The following EYS variants were observed in gnomAD, a reference collection of about 807,000 sequenced individuals.
EYS encodes the protein protein eyes shut homolog.
A neutral mutation model predicts 282.1 loss-of-function variants in EYS; 250 were observed. The ratio of observed to expected loss-of-function variants is 0.89; its 90% confidence interval spans 0.80 to 0.98. The LOEUF is 0.98. Ranked by LOEUF, EYS falls within the 50% of genes least tolerant of loss-of-function variation. The pLI is 0.00. For synonymous variants in EYS, 1,355 were observed against 1,282.9 expected, an observed-to-expected ratio of 1.06 and a Z score of -1.20; for missense variants, 4,016 against 3,709.0, an observed-to-expected ratio of 1.08 and a Z score of -2.15.
intron 26 of EYS, among the ~76,000 whole-genome samples, chr6:64,470,565 CACATAAAAT>C (rs58453537): frequency 0.3 from 45,339 of 151,636 alleles, 6,784 homozygotes; most frequent in East Asian, 0.46. Flanking sequence ...TCTTGGGCCA[CACATAAAAT>C]ACACTAACTA....
intron 19 of EYS, among the ~76,000 whole-genome samples, chr6:64,834,331 T>G (rs536984563): frequency 1.3e-5 from 2 of 152,020 alleles, no homozygotes; most frequent in South Asian, 4.1e-4. Flanking sequence ...AGTTTAAACA[T>G]ATTAGCTTCA....
intron 22 of EYS, among the ~76,000 whole-genome samples, chr6:64,777,522 G>A (rs1024945618): frequency 6.6e-6 from 1 of 152,032 alleles, no homozygotes; most frequent in Non-Finnish European, 1.5e-5. Flanking sequence ...AGTAATGAAC[G>A]GGTTTGGGGC....
At chr6:63,847,883 A>T (rs1391179819) in intron 36 of EYS, among the ~76,000 whole-genome samples, 1 of 152,240 alleles carries the variant, frequency 6.6e-6, no homozygotes, top group Admixed American at 6.5e-5. Context: ...ATACTTTTCA[A>T]TGTACTTAAA....
intron 12 of EYS, among the ~76,000 whole-genome samples, chr6:65,075,546 C>G (rs1054863567): frequency 1.3e-4 from 19 of 151,842 alleles, no homozygotes; most frequent in Non-Finnish European, 1.8e-4. Context: ...TGAGGAAGTT[C>G]GGGTTAAAGT....
chr6:64,532,491 C>T (rs192461250), intron 26 of EYS, among the ~76,000 whole-genome samples: 1 of 152,004 alleles, frequency 6.6e-6, no homozygotes, highest in Non-Finnish European at 1.5e-5. Flanking sequence ...GAGCGGATCA[C>T]GAGGTCAGGA....
At chr6:65,241,430 T>A (rs1767055940) in intron 12 of EYS, among the ~76,000 whole-genome samples, 1 of 152,114 alleles carries the variant, frequency 6.6e-6, no homozygotes, top group Admixed American at 6.5e-5. Flanking sequence ...CAAACAAGTT[T>A]ATAAACATTT....
chr6:65,514,738 T>C (rs1289175294), intron 2 of EYS, among the ~76,000 whole-genome samples: 4 of 152,236 alleles, frequency 2.6e-5, no homozygotes, highest in Non-Finnish European at 5.9e-5. Flanking sequence ...GCTAGCCATA[T>C]GTACAAAGCT....
intron 12 of EYS, among the ~76,000 whole-genome samples, chr6:65,227,442 A>C (rs1295676510): frequency 6.6e-6 from 1 of 152,190 alleles, no homozygotes; most frequent in Non-Finnish European, 1.5e-5. Flanking sequence ...AATTAGAATT[A>C]TCTGCACTGC....
rs1165184004 is a variant in EYS at position 65,335,197 on chromosome 6, A to G, written c.1600-51T>C. 4 of 1,247,592 alleles carry G rather than the reference A, an allele frequency of 3.2e-6. No individual in the cohort carries two copies. In the South Asian group the frequency reaches 4.8e-5, roughly 15 times the overall value. 77.3% of individuals were successfully genotyped at this position (1,247,592 alleles called of 1,614,324 possible). A position where few individuals can be genotyped will look rare whatever the true frequency, so the allele number is the denominator to read the frequency against. ...GTTATGAATTCCCATCACTTACTAC[A>G]ATATTACAATTGTGACCTGAGAGAT... On this transcript the variant is annotated intron_variant, in intron 10 of 42. Coordinates refer to ENST00000503581, the MANE Select transcript of EYS (RefSeq NM_001142800.2).
At position 63,907,987 on chromosome 6, in the gene EYS, T is replaced by TACACACAC. The variant is rs60426309; in HGVS notation, c.7056-43637_7056-43630dup. Among the ~76,000 whole-genome samples the TACACACAC allele has an allele frequency of 1.3e-3, 143 of 105,932 alleles. 3 individuals carry two copies. Among genetic ancestry groups the TACACACAC allele is most frequent in the African/African-American group, 4.5e-3 (125 of 27,804 alleles). The allele number at this position is 105,932 out of a possible 152,430, so 69.5% of individuals were successfully genotyped here. ...CTGAATAGTATTGACTGTATATATG[T>TACACACAC]ACACACACACACACACACACAAACG... is the stretch of plus-strand genomic sequence containing the variant. On this transcript the variant is annotated intron_variant, in intron 35 of 42. Coordinates refer to ENST00000503581, the MANE Select transcript of EYS (RefSeq NM_001142800.2).
chr6:65,227,688 T>G (rs1396550390), intron 12 of EYS, among the ~76,000 whole-genome samples: 1 of 152,106 alleles, frequency 6.6e-6, no homozygotes, highest in Non-Finnish European at 1.5e-5. Context: ...CATACATTGA[T>G]GAATGAATAA....
Position 65,434,924 on chromosome 6 carries a change from G to A in EYS, c.863-29557C>T, listed in dbSNP as rs191305651. 2.2e-3 allele frequency among the ~76,000 whole-genome samples: 340 copies of A among 151,544 alleles called. 2 individuals are homozygous for A. The highest frequency in any genetic ancestry group is 2.1e-3 in the Non-Finnish European group (144 of 67,874). The stretch of plus-strand genomic sequence containing the variant: ...TATCTAATTATCTCTACTATTCCTA[G>A]TATTCTTAATATTTATTATACATAG... On this transcript the variant is annotated intron_variant, in intron 5 of 42. Coordinates refer to ENST00000503581, the MANE Select transcript of EYS (RefSeq NM_001142800.2).
intron 2 of EYS, among the ~76,000 whole-genome samples, chr6:65,630,407 A>T (rs1766869112): frequency 6.6e-6 from 1 of 152,204 alleles, no homozygotes; most frequent in South Asian, 2.1e-4. Flanking sequence ...CACCTTATGG[A>T]ACATCTTCTC....
chr6:64,639,375 T>A (rs1768056210), intron 22 of EYS, among the ~76,000 whole-genome samples: 1 of 91,636 alleles, frequency 1.1e-5, no homozygotes, highest in Non-Finnish European at 2.4e-5. Context: ...ACATCTCTTT[T>A]TTCATCAATT....
At chr6:64,557,209 CACACACAT>C (rs1229179754) in intron 26 of EYS, among the ~76,000 whole-genome samples, 2 of 54,606 alleles carry the variant, frequency 3.7e-5, no homozygotes, top group Admixed American at 2.8e-4. Context: ...CAGATACACA[CACACACAT>C]ACACACACAC....
At chr6:64,200,187 G>A (rs1765419575) in intron 31 of EYS, among the ~76,000 whole-genome samples, 1 of 152,122 alleles carries the variant, frequency 6.6e-6, no homozygotes, top group African/African-American at 2.4e-5. Flanking sequence ...GAAATGGGAA[G>A]ATTTGAATAG....
chr6:64,506,719 T>G (rs1180819806), intron 26 of EYS, among the ~76,000 whole-genome samples: 2 of 152,010 alleles, frequency 1.3e-5, no homozygotes, highest in Non-Finnish European at 2.9e-5. Flanking sequence ...GAGACCATCC[T>G]GGCTAACACG....
At chr6:63,905,496 A>AT (rs1432111020) in intron 35 of EYS, among the ~76,000 whole-genome samples, 3 of 151,480 alleles carry the variant, frequency 2.0e-5, no homozygotes, top group Admixed American at 6.6e-5. Flanking sequence ...CGCCCGGCTA[A>AT]TTTTTTGTAT....
At chr6:64,564,526 C>A (rs1334911561) in intron 26 of EYS, among the ~76,000 whole-genome samples, 1 of 151,978 alleles carries the variant, frequency 6.6e-6, no homozygotes, top group Non-Finnish European at 1.5e-5. Context: ...CGTGATCCGT[C>A]CACCTCCGCC....
Sources: allele counts gnomAD v4.1 joint callset (sites outside exome capture counted in the v4.1 genomes callset), GRCh38; gene constraint gnomAD v4.1.1; transcripts MANE v1.5; gene names NCBI Gene and HGNC (gene_info 2026-07-23, HGNC 2026-07-21).